The following CNBD1 variants were observed in gnomAD, a reference collection of about 807,000 sequenced individuals.
The protein encoded by CNBD1 is cyclic nucleotide binding domain containing 1.
CNBD1 carries 71 observed loss-of-function variants against 54.4 expected under a neutral mutation model. The observed-to-expected ratio is 1.30, with a 90% CI of 1.08 to 1.59. CNBD1 has a LOEUF of 1.59. Ranked by LOEUF, CNBD1 falls within the 40% of genes most tolerant of loss-of-function variation. The probability of loss-of-function intolerance (pLI) is 0.00; values close to 1 mark genes in which losing one functional copy is unlikely to be tolerated. For synonymous variants in CNBD1, 182 were observed against 170.7 expected (o/e 1.07, Z -0.51); for missense variants, 659 against 518.0 (o/e 1.27, Z -2.64).
intron 4 of CNBD1, among the ~76,000 whole-genome samples, chr8:87,030,959 T>TC (rs1282830605): frequency 8.5e-6 from 1 of 117,964 alleles, no homozygotes; most frequent in Non-Finnish European, 1.7e-5. Context: ...CCTCTTCCTC[T>TC]CCCCCCTTCT....
intron 4 of CNBD1, among the ~76,000 whole-genome samples, chr8:86,998,797 G>C (rs4368998): frequency 0.2 from 29,745 of 152,088 alleles, 3,134 homozygotes; most frequent in East Asian, 0.35. Flanking sequence ...ACCAGTGGGT[G>C]TGTCCCATCT....
intron 4 of CNBD1, among the ~76,000 whole-genome samples, chr8:87,091,992 T>G (rs962245602): frequency 6.6e-6 from 1 of 152,216 alleles, no homozygotes; most frequent in African/African-American, 2.4e-5. Context: ...ATTGTTATTA[T>G]GCGTTATATT....
At chr8:87,284,940 A>G (rs572848231) in intron 7 of CNBD1, 125 bp downstream of exon 7, 1 of 685,384 alleles carries the variant, frequency 1.5e-6, no homozygotes, top group Non-Finnish European at 2.2e-6. Flanking sequence ...CCTAGAGACC[A>G]TAAAAATGTT....
At chr8:87,382,043 A>G (rs1299454028) in intron 10 of CNBD1, among the ~76,000 whole-genome samples, 2 of 152,024 alleles carry the variant, frequency 1.3e-5, no homozygotes, top group East Asian at 3.9e-4. Context: ...AATAAATAGA[A>G]GAGTGACTCA....
At chr8:86,877,641 C>CT (rs1365022217) in intron 1 of CNBD1, among the ~76,000 whole-genome samples, 1 of 152,068 alleles carries the variant, frequency 6.6e-6, no homozygotes, top group Non-Finnish European at 1.5e-5. Context: ...CGAGTAACAC[C>CT]TAGAACATCT....
At chr8:87,226,653 A>C (rs1381515886) in intron 5 of CNBD1, among the ~76,000 whole-genome samples, 2 of 151,646 alleles carry the variant, frequency 1.3e-5, no homozygotes, top group African/African-American at 4.9e-5. Flanking sequence ...GGAGAGCTTT[A>C]CTTCCAACTA....
At chr8:87,012,602 CT>C (rs1809248222) in intron 4 of CNBD1, among the ~76,000 whole-genome samples, 1 of 152,120 alleles carries the variant, frequency 6.6e-6, no homozygotes, top group Non-Finnish European at 1.5e-5. Flanking sequence ...GCCAGTCACC[CT>C]TTTAAGTCCT....
chr8:87,068,992 T>C (rs948084710), intron 4 of CNBD1, among the ~76,000 whole-genome samples: 1 of 152,094 alleles, frequency 6.6e-6, no homozygotes, highest in Non-Finnish European at 1.5e-5. Context: ...CAAAACTGCA[T>C]GCTGCATGTG....
chr8:87,172,107 G>T (rs1813100975), intron 4 of CNBD1, among the ~76,000 whole-genome samples: 1 of 151,794 alleles, frequency 6.6e-6, no homozygotes, highest in African/African-American at 2.4e-5. Context: ...GGAGCATATT[G>T]TTTAATTTCC....
rs1345253070 is a variant in CNBD1 at position 87,166,152 on chromosome 8, C to CTTA, written c.432-39839_432-39838insATT. Among the ~76,000 whole-genome samples, 1 of 151,896 alleles carries CTTA rather than the reference C, an allele frequency of 6.6e-6. No homozygotes were observed. The highest frequency in any genetic ancestry group is 1.5e-5 in the Non-Finnish European group (1 of 67,902). ...AAACCTCTTAAACTGTTCTTTTTCC[C>CTTA]TTCCTCTCTCTCAATAAATGAGACT... is the stretch of plus-strand genomic sequence containing the variant. On this transcript the variant is annotated intron_variant, in intron 4 of 10. Coordinates refer to ENST00000518476, the MANE Select transcript of CNBD1 (RefSeq NM_173538.3). The surrounding 1 kb of genome is among the most constrained non-coding windows in gnomAD (Gnocchi z 4.3).
intron 8 of CNBD1, among the ~76,000 whole-genome samples, chr8:87,315,648 C>G (rs1809370721): frequency 6.6e-6 from 1 of 151,948 alleles, no homozygotes; most frequent in African/African-American, 2.4e-5. Flanking sequence ...CCAAAAACTT[C>G]CCATTAAGCT....
At chr8:86,870,186 A>G (rs1462470741) in intron 1 of CNBD1, among the ~76,000 whole-genome samples, 1 of 49,198 alleles carries the variant, frequency 2.0e-5, no homozygotes, top group Non-Finnish European at 3.7e-5. Context: ...ACAAGATAGT[A>G]CTCTTTTTTT....
intron 6 of CNBD1, among the ~76,000 whole-genome samples, chr8:87,250,037 A>G (rs886954767): frequency 6.6e-6 from 1 of 152,178 alleles, no homozygotes. Flanking sequence ...TGGAGAGACA[A>G]CCCACCAAAT....
At chr8:87,075,045 G>T (rs1247870463) in intron 4 of CNBD1, among the ~76,000 whole-genome samples, 1 of 152,162 alleles carries the variant, frequency 6.6e-6, no homozygotes, top group Non-Finnish European at 1.5e-5. Flanking sequence ...GGGGTTAGTA[G>T]TACTACTTAT....
intron 3 of CNBD1, among the ~76,000 whole-genome samples, chr8:86,907,870 G>A (rs1323290355): frequency 6.6e-6 from 1 of 152,080 alleles, no homozygotes; most frequent in Non-Finnish European, 1.5e-5. Context: ...GAATAAAACT[G>A]ATGAGGAAAC....
intron 4 of CNBD1, among the ~76,000 whole-genome samples, chr8:87,010,285 AT>A (rs199895645): frequency 0.013 from 1,968 of 151,334 alleles, 40 homozygotes; most frequent in African/African-American, 0.045. Flanking sequence ...TCCTGACACG[AT>A]TTTTTTTTCT....
At position 87,404,744 on chromosome 8, in the gene CNBD1, A is replaced by C. The variant is rs78334638; in HGVS notation, c.214-23802A>C. On this transcript the variant is annotated intron_variant, in intron 2 of 7. Coordinates refer to the CNBD1 transcript ENST00000521593. ...CCTCATATTCTCTTTCCAGTATGTA[A>C]GGATATTAGCAAATAACTATCATTT... Among the ~76,000 whole-genome samples, 1,340 of 152,206 alleles carry C rather than the reference A, an allele frequency of 8.8e-3. 48 individuals carry two copies. The East Asian group carries it at 0.094, about 11-fold the overall frequency.
intron 10 of CNBD1, among the ~76,000 whole-genome samples, chr8:87,367,744 G>A (rs559974485): frequency 6.6e-6 from 1 of 152,250 alleles, no homozygotes; most frequent in South Asian, 2.1e-4. Context: ...AGTATAGAAA[G>A]ATTAAGTGAT....
chr8:86,986,128 C>G (rs1244355284), intron 4 of CNBD1, among the ~76,000 whole-genome samples: 1 of 152,014 alleles, frequency 6.6e-6, no homozygotes, highest in Non-Finnish European at 1.5e-5. Context: ...TAGGGTTTCA[C>G]CATGTTGGCT....
Sources: gnomAD v4.1 joint callset for allele counts (sites outside exome capture counted in the v4.1 genomes callset) on GRCh38, gnomAD v4.1.1 for gene constraint, Gnocchi (gnomAD v3.1) non-coding constraint, MANE v1.5 for transcripts, NCBI Gene and HGNC (gene_info 2026-07-23, HGNC 2026-07-21) for gene names.